Variants in PTPN14 observed in about 807,000 individuals in gnomAD.
The protein encoded by PTPN14 is protein tyrosine phosphatase non-receptor type 14.
A neutral mutation model predicts 126.8 loss-of-function variants in PTPN14; 53 were observed. The observed-to-expected ratio is 0.42, with a 90% CI of 0.34 to 0.53. PTPN14 has a LOEUF of 0.53. Among genes scored for constraint, PTPN14 ranks in the 20% least tolerant of loss-of-function variants. The pLI is 0.08. For missense variants in PTPN14, 1,257 were observed against 1,552.9 expected, an observed-to-expected ratio of 0.81 and a Z score of 3.20; for synonymous variants, 630 against 599.3, an observed-to-expected ratio of 1.05 and a Z score of -0.75.
chr1:214,363,336 T>C (rs1489775670), intron 18 of PTPN14, among the ~76,000 whole-genome samples: 2 of 152,244 alleles, frequency 1.3e-5, no homozygotes, highest in East Asian at 1.9e-4. Flanking sequence ...TTAGCATTCG[T>C]TGTTTTCCTG....
chr1:214,373,134 A>G (rs1309124554), intron 15 of PTPN14, among the ~76,000 whole-genome samples: 1 of 152,132 alleles, frequency 6.6e-6, no homozygotes, highest in African/African-American at 2.4e-5. Context: ...GGCTCACTGC[A>G]ACCTCCGCCT....
intron 5 of PTPN14, among the ~76,000 whole-genome samples, chr1:214,403,807 C>A (rs966520849): frequency 1.3e-5 from 2 of 152,196 alleles, no homozygotes; most frequent in Non-Finnish European, 2.9e-5. Context: ...TTGTCTCATG[C>A]CTGTGGTGGC....
intron 17 of PTPN14, among the ~76,000 whole-genome samples, chr1:214,365,967 C>A (rs1057346599): frequency 6.6e-6 from 1 of 152,122 alleles, no homozygotes; most frequent in South Asian, 2.1e-4. Flanking sequence ...GAGTTTGAGA[C>A]CAGCCTGACC....
intron 1 of PTPN14, chr1:214,530,726 C>T (rs1655523432): frequency 6.6e-6 from 1 of 152,152 alleles, no homozygotes; most frequent in African/African-American, 2.4e-5. Flanking sequence ...GATAAGCACT[C>T]CTTTTGTTGT....
chr1:214,425,956 C>T (rs1231723442), intron 3 of PTPN14, among the ~76,000 whole-genome samples: 1 of 135,944 alleles, frequency 7.4e-6, no homozygotes, highest in African/African-American at 2.8e-5. Flanking sequence ...ATTTTACAGT[C>T]AAGTGCTCTT....
chr1:214,508,071 G>A (rs1654885907), intron 1 of PTPN14, among the ~76,000 whole-genome samples: 2 of 152,186 alleles, frequency 1.3e-5, no homozygotes, highest in Admixed American at 1.3e-4. Flanking sequence ...GTTTTTGCTG[G>A]TGGAGGGTCT....
intron 1 of PTPN14, chr1:214,532,880 TG>T: frequency 1.9e-6 from 2 of 1,029,906 alleles, no homozygotes; most frequent in Non-Finnish European, 3.0e-6. Flanking sequence ...GGGTTGACCA[TG>T]GAGGTTGATG....
intron 1 of PTPN14, among the ~76,000 whole-genome samples, chr1:214,469,284 T>C (rs1660703573): frequency 6.6e-6 from 1 of 152,216 alleles, no homozygotes; most frequent in African/African-American, 2.4e-5. Context: ...TAAAATTCCA[T>C]CTTTTAGCCA....
intron 1 of PTPN14, among the ~76,000 whole-genome samples, chr1:214,505,067 T>A (rs1449142979): frequency 6.6e-6 from 1 of 151,876 alleles, no homozygotes; most frequent in Non-Finnish European, 1.5e-5. Flanking sequence ...GCCAGTCTCA[T>A]GGAAAGATCC....
chr1:214,534,773 C>T (rs1056679961), intron 1 of PTPN14, among the ~76,000 whole-genome samples: 1 of 146,070 alleles, frequency 6.8e-6, no homozygotes, highest in African/African-American at 2.6e-5. Context: ...AATCTTTGCT[C>T]CCTTCCTATA....
At chr1:214,461,579 AT>A (rs747163434) in intron 2 of PTPN14, among the ~76,000 whole-genome samples, 1 of 151,824 alleles carries the variant, frequency 6.6e-6, no homozygotes, top group Non-Finnish European at 1.5e-5. Context: ...GTAGTGAGTC[AT>A]GATCGTACCA....
At chr1:214,390,906 C>G in intron 11 of PTPN14, 82 bp downstream of exon 11, 1 of 1,186,872 alleles carries the variant, frequency 8.4e-7, no homozygotes, top group Non-Finnish European at 1.1e-6. Flanking sequence ...ATCATGATGC[C>G]CTCATCATCC....
intron 1 of PTPN14, among the ~76,000 whole-genome samples, chr1:214,527,968 T>C (rs142429874): frequency 1.5e-3 from 232 of 152,298 alleles, no homozygotes; most frequent in South Asian, 6.0e-3. Context: ...CTCTCTAAAG[T>C]CACTCCTCTC....
chr1:214,395,050 G>T, intron 8 of PTPN14, 64 bp from the exon 9 acceptor site: 1 of 1,349,324 alleles, frequency 7.4e-7, no homozygotes, highest in Non-Finnish European at 1.1e-6. Context: ...ATACAGCAGA[G>T]GAGGGCTGTT....
At chr1:214,413,981 A>G (rs1659368081) in intron 4 of PTPN14, among the ~76,000 whole-genome samples, 1 of 147,146 alleles carries the variant, frequency 6.8e-6, no homozygotes. Flanking sequence ...CTTGCTTTCA[A>G]TATGGCCTAT....
chr1:214,459,302 A>G (rs1660454991), intron 2 of PTPN14, among the ~76,000 whole-genome samples: 1 of 150,880 alleles, frequency 6.6e-6, no homozygotes, highest in Non-Finnish European at 1.5e-5. Context: ...ACAGGCATGC[A>G]CCACCTTGCC....
At chr1:214,550,032 G>A (rs951462450) in intron 1 of PTPN14, among the ~76,000 whole-genome samples, 1 of 152,172 alleles carries the variant, frequency 6.6e-6, no homozygotes, top group African/African-American at 2.4e-5. Context: ...ACCCTCCAGA[G>A]GAGCACAACC....
At position 214,391,006 on chromosome 1, in the gene PTPN14, G is replaced by A; in HGVS notation, c.969C>T (p.Thr323=). 1 of 1,585,784 alleles carries A rather than the reference G, an allele frequency of 6.3e-7. No homozygotes were observed. Among genetic ancestry groups the A allele is most frequent in the Non-Finnish European group, 8.6e-7 (1 of 1,160,446 alleles). The part of the protein sequence containing the change: ...NSPPPIRRQP[T]WSRSSLPRQQ... ...TACATACCAGAGAGGATCGGCTCCAGGTGGGCTGGCGTCTGATGGGGGGTG... is the reference window on the plus strand; with the variant it reads ...TACATACCAGAGAGGATCGGCTCCAAGTGGGCTGGCGTCTGATGGGGGGTG... Residue 323 remains threonine (T), a synonymous_variant, in exon 11 of 19, where the codon ACC becomes ACT. Coordinates refer to ENST00000366956, the MANE Select transcript of PTPN14 (RefSeq NM_005401.5).
rs370248684 is a variant in PTPN14 at position 214,512,537 on chromosome 1, G to A, written c.-155+38646C>T. Reference sequence around the variant, plus strand: ...AAACAGAGCAGAATGGGGGTTACCAGGGGCTGAGGGCAGGAGAAAATGGAG... The same window carrying A: ...AAACAGAGCAGAATGGGGGTTACCAAGGGCTGAGGGCAGGAGAAAATGGAG... On this transcript the variant is annotated intron_variant, in intron 1 of 18. Transcript: ENST00000366956. 3.9e-5 allele frequency among the ~76,000 whole-genome samples: 6 copies of A among 152,246 alleles called. No homozygotes were observed. The East Asian group carries it at 9.7e-4, about 25-fold the overall frequency.
Sources: gnomAD v4.1 joint callset for allele counts (sites outside exome capture counted in the v4.1 genomes callset) on GRCh38, gnomAD v4.1.1 for gene constraint, MANE v1.5 for transcripts, NCBI Gene and HGNC (gene_info 2026-07-23, HGNC 2026-07-21) for gene names.